The following CDH12 variants were observed in gnomAD, a reference collection of about 807,000 sequenced individuals.
CDH12 encodes cadherin-12.
Under a neutral mutation model 74.1 loss-of-function variants are expected in CDH12, and 41 were observed. The observed-to-expected ratio is 0.55, with a 90% CI of 0.43 to 0.72. The LOEUF (loss-of-function observed/expected upper bound fraction) is 0.72, where lower values mean the gene tolerates loss of function less well. CDH12 is among the 30% of genes least tolerant of loss of function. The pLI is 0.00. For synonymous variants in CDH12, 399 were observed against 355.0 expected, an observed-to-expected ratio of 1.12 and a Z score of -1.39; for missense variants, 945 against 977.2, an observed-to-expected ratio of 0.97 and a Z score of 0.44.
At chr5:22,423,916 T>C (rs897073060) in intron 2 of CDH12, among the ~76,000 whole-genome samples, 6 of 138,636 alleles carry the variant, frequency 4.3e-5, no homozygotes, top group African/African-American at 1.7e-4. Context: ...GGCAGGAGAA[T>C]GGCGTGAACC....
At chr5:22,394,154 C>T (rs1174694274) in intron 3 of CDH12, among the ~76,000 whole-genome samples, 1 of 152,086 alleles carries the variant, frequency 6.6e-6, no homozygotes, top group Non-Finnish European at 1.5e-5. Flanking sequence ...TATTACTGGA[C>T]AACCTTCTGC....
intron 2 of CDH12, among the ~76,000 whole-genome samples, chr5:22,484,082 A>G (rs997089706): frequency 1.3e-5 from 2 of 151,986 alleles, no homozygotes; most frequent in African/African-American, 2.4e-5. Flanking sequence ...AATTCAAGAA[A>G]GTCACAAAGA....
intron 5 of CDH12, among the ~76,000 whole-genome samples, chr5:22,061,050 A>C (rs1741154338): frequency 6.6e-6 from 1 of 152,214 alleles, no homozygotes; most frequent in Admixed American, 6.5e-5. Flanking sequence ...CATTCATGAA[A>C]TTGTGGAAGA....
At chr5:21,934,810 G>A (rs1579985236) in intron 6 of CDH12, among the ~76,000 whole-genome samples, 2 of 150,930 alleles carry the variant, frequency 1.3e-5, no homozygotes, top group Admixed American at 6.6e-5. Flanking sequence ...TTTTTGACAC[G>A]GAGTATCCCT....
At chr5:22,685,985 C>A (rs558498502) in intron 1 of CDH12, among the ~76,000 whole-genome samples, 1 of 152,128 alleles carries the variant, frequency 6.6e-6, no homozygotes, top group South Asian at 2.1e-4. Flanking sequence ...CTTTCCAAAG[C>A]GGCAAGGTTA....
At chr5:22,231,295 T>G (rs1378217448) in intron 3 of CDH12, among the ~76,000 whole-genome samples, 2 of 152,102 alleles carry the variant, frequency 1.3e-5, no homozygotes, top group Non-Finnish European at 2.9e-5. Flanking sequence ...TGGCTCAAAT[T>G]TATTCCCACC....
chr5:22,463,998 T>G (rs1015246475), intron 2 of CDH12, among the ~76,000 whole-genome samples: 1 of 152,184 alleles, frequency 6.6e-6, no homozygotes, highest in Non-Finnish European at 1.5e-5. Context: ...TCATCTTGAA[T>G]TGTAACTCCC....
At chr5:22,286,036 C>T (rs771596231) in intron 3 of CDH12, among the ~76,000 whole-genome samples, 13 of 151,890 alleles carry the variant, frequency 8.6e-5, no homozygotes, top group African/African-American at 2.2e-4. Flanking sequence ...TGGTCTTACA[C>T]GGTATTGACA....
intron 6 of CDH12, among the ~76,000 whole-genome samples, chr5:21,861,841 A>G (rs1237558062): frequency 6.6e-6 from 1 of 151,732 alleles, no homozygotes; most frequent in Non-Finnish European, 1.5e-5. Context: ...TATCCTAATT[A>G]TATGTATTTT....
intron 1 of CDH12, among the ~76,000 whole-genome samples, chr5:22,795,954 C>T (rs971255169): frequency 6.6e-6 from 1 of 151,958 alleles, no homozygotes; most frequent in Non-Finnish European, 1.5e-5. Context: ...TAAGTTAGAG[C>T]CTTCTGTGCT....
intron 2 of CDH12, among the ~76,000 whole-genome samples, chr5:22,482,844 T>C (rs1410292995): frequency 6.6e-6 from 1 of 152,174 alleles, no homozygotes; most frequent in Non-Finnish European, 1.5e-5. Flanking sequence ...CCTTGGAAGA[T>C]GATAAATTGA....
intron 1 of CDH12, among the ~76,000 whole-genome samples, chr5:22,635,361 C>T (rs1423752500): frequency 6.6e-6 from 1 of 151,812 alleles, no homozygotes; most frequent in African/African-American, 2.4e-5. Context: ...TTATCATGGA[C>T]AAAATAGAAG....
At chr5:21,880,549 T>C (rs1247015244) in intron 6 of CDH12, among the ~76,000 whole-genome samples, 1 of 128,548 alleles carries the variant, frequency 7.8e-6, no homozygotes, top group African/African-American at 2.8e-5. Context: ...CTTCCTTCCT[T>C]CCTTCCTTCC....
intron 6 of CDH12, among the ~76,000 whole-genome samples, chr5:21,950,757 T>TATTATTA (rs1554047072): frequency 2.2e-5 from 3 of 137,006 alleles, no homozygotes; most frequent in Admixed American, 7.5e-5. Context: ...TAAATTTTAT[T>TATTATTA]TTATTATTAT....
At chr5:22,131,013 G>GGTCA (rs1230241815) in intron 4 of CDH12, among the ~76,000 whole-genome samples, 4 of 151,780 alleles carry the variant, frequency 2.6e-5, no homozygotes, top group Non-Finnish European at 5.9e-5. Context: ...GTACATCAGT[G>GGTCA]GTCAGCTCCT....
chr5:22,642,119 C>T (rs1163743158), intron 1 of CDH12, among the ~76,000 whole-genome samples: 1 of 152,136 alleles, frequency 6.6e-6, no homozygotes. Context: ...TGGAATAATG[C>T]CAATAATAGA....
chr5:21,880,584 C>CTTCT (rs1752229915), intron 6 of CDH12, among the ~76,000 whole-genome samples: 1 of 45,542 alleles, frequency 2.2e-5, no homozygotes, highest in Non-Finnish European at 4.3e-5. Context: ...TCCTTCCTTC[C>CTTCT]TTCCTTCCTT....
chr5:22,208,413 A>G (rs1417601426), intron 4 of CDH12, among the ~76,000 whole-genome samples: 1 of 152,184 alleles, frequency 6.6e-6, no homozygotes, highest in African/African-American at 2.4e-5. Flanking sequence ...CTATTAGGGT[A>G]ATTTAGAAAA....
At chr5:22,734,574 T>G (rs191192891) in intron 1 of CDH12, among the ~76,000 whole-genome samples, 1 of 151,978 alleles carries the variant, frequency 6.6e-6, no homozygotes, top group Admixed American at 6.6e-5. Flanking sequence ...TTTAAAGACT[T>G]ATTTTTGAAA....
Sources: gnomAD v4.1 joint callset for allele counts (sites outside exome capture counted in the v4.1 genomes callset) on GRCh38, gnomAD v4.1.1 for gene constraint, MANE v1.5 for transcripts, NCBI Gene and HGNC (gene_info 2026-07-23, HGNC 2026-07-21) for gene names.